Variants in SNTG2 observed in about 807,000 individuals in gnomAD.
SNTG2 encodes the protein syntrophin gamma 2.
A neutral mutation model predicts 70.9 loss-of-function variants in SNTG2; 74 were observed. The ratio of observed to expected loss-of-function variants is 1.04; its 90% confidence interval spans 0.86 to 1.27. SNTG2 has a LOEUF of 1.27. SNTG2 is among the 50% of genes most tolerant of loss of function. SNTG2 has a pLI of 0.00. For missense variants in SNTG2, 717 were observed against 690.7 expected, an observed-to-expected ratio of 1.04 and a Z score of -0.43; for synonymous variants, 278 against 273.8, an observed-to-expected ratio of 1.02 and a Z score of -0.15.
At chr2:1,303,831 T>A (rs191492038) in intron 14 of SNTG2, among the ~76,000 whole-genome samples, 119 of 152,334 alleles carry the variant, frequency 7.8e-4, no homozygotes, top group African/African-American at 2.8e-3. Flanking sequence ...ATACAATGAA[T>A]AACTCTACAC....
chr2:1,273,790 GA>G (rs1386184504), intron 14 of SNTG2, among the ~76,000 whole-genome samples: 3 of 151,402 alleles, frequency 2.0e-5, no homozygotes, highest in Admixed American at 1.3e-4. Context: ...CACAAACCAT[GA>G]AAAAAAATTG....
At chr2:1,334,121 A>C (rs769203458) in intron 16 of SNTG2, among the ~76,000 whole-genome samples, 4 of 152,220 alleles carry the variant, frequency 2.6e-5, no homozygotes, top group Non-Finnish European at 4.4e-5. Flanking sequence ...TCTCATCAAA[A>C]AGTGGGCAAA....
At chr2:1,239,812 A>C (rs765862727) in intron 11 of SNTG2, 36 bp downstream of exon 11, 9 of 1,605,678 alleles carry the variant, frequency 5.6e-6, no homozygotes, top group Non-Finnish European at 7.7e-6. Context: ...GATGTAACAC[A>C]TCAGGTAGGG....
intron 14 of SNTG2, among the ~76,000 whole-genome samples, chr2:1,286,682 G>T (rs2148215391): frequency 6.6e-6 from 1 of 152,300 alleles, no homozygotes; most frequent in East Asian, 1.9e-4. Context: ...CCCTTTCCAT[G>T]ATGGAAGAGG....
At chr2:1,052,239 G>A (rs1435225141) in intron 1 of SNTG2, among the ~76,000 whole-genome samples, 1 of 152,056 alleles carries the variant, frequency 6.6e-6, no homozygotes, top group Non-Finnish European at 1.5e-5. Context: ...GGAATTCACT[G>A]GGCCCAGAGC....
chr2:1,009,320 G>T (rs1237713060), intron 1 of SNTG2, among the ~76,000 whole-genome samples: 3 of 114,882 alleles, frequency 2.6e-5, no homozygotes, highest in African/African-American at 3.6e-5. Flanking sequence ...ACTGGTGTGG[G>T]TCGTGTGTAT....
intron 1 of SNTG2, among the ~76,000 whole-genome samples, chr2:951,296 A>G (rs1020135567): frequency 2.0e-5 from 3 of 152,330 alleles, no homozygotes; most frequent in Middle Eastern, 3.4e-3. Context: ...GGAAACTTGC[A>G]GGCTTTGCTC....
chr2:1,109,492 CAT>C (rs1362832410), intron 4 of SNTG2, among the ~76,000 whole-genome samples: 8 of 152,138 alleles, frequency 5.3e-5, no homozygotes, highest in Admixed American at 5.2e-4. Flanking sequence ...TCATAAAAAA[CAT>C]ATGAAATGGG....
At chr2:1,282,884 C>T (rs1679612397) in intron 14 of SNTG2, among the ~76,000 whole-genome samples, 1 of 152,226 alleles carries the variant, frequency 6.6e-6, no homozygotes, top group South Asian at 2.1e-4. Flanking sequence ...GCCAGATGAG[C>T]TCCCTTTGCT....
Position 1,211,828 on chromosome 2 carries a change from C to A in SNTG2, c.719+2598C>A, listed in dbSNP as rs184385986. On this transcript the variant is annotated intron_variant, in intron 9 of 16. Transcript: ENST00000308624. ...GATGAGATTTGGGCAAGAGTACAAC[C>A]AAACCATATCACTAGTAATTCTTAA... Among the ~76,000 whole-genome samples, 262 of 152,214 alleles carry A rather than the reference C, an allele frequency of 1.7e-3. 3 individuals carry two copies. The highest frequency in any genetic ancestry group is 3.1e-3 in the South Asian group (15 of 4,812).
intron 1 of SNTG2, among the ~76,000 whole-genome samples, chr2:956,358 A>G (rs893931717): frequency 6.6e-6 from 1 of 152,172 alleles, no homozygotes; most frequent in Non-Finnish European, 1.5e-5. Context: ...AGTCCGGAGC[A>G]GGGTTGTGTT....
At position 1,192,720 on chromosome 2, in the gene SNTG2, G is replaced by A. The variant is rs566647538; in HGVS notation, c.592-16383G>A. 7.2e-5 allele frequency among the ~76,000 whole-genome samples: 11 copies of A among 152,024 alleles called. No homozygotes were observed. The South Asian group carries it at 1.7e-3, about 23-fold the overall frequency. ...GGAAAACATACTAAGGTGACTTCTC[G>A]GACTCATCTGATCACACCGTCCCTC... On this transcript the variant is annotated intron_variant, in intron 8 of 16. Transcript: ENST00000308624.
chr2:1,281,233 G>GGTGTATT (rs1388463291), intron 14 of SNTG2, among the ~76,000 whole-genome samples: 2,207 of 4,274 alleles, frequency 0.52, 370 homozygotes, highest in African/African-American at 0.57. Flanking sequence ...GTGTTTATGT[G>GGTGTATT]GTGTGGTGTG....
rs762590893 is a variant in SNTG2 at position 1,247,380 on chromosome 2, A to G, written c.942A>G (p.Gln314=). The G allele has an allele frequency of 6.2e-7, 1 of 1,613,906 alleles. No individual in the cohort carries two copies. Among genetic ancestry groups the G allele is most frequent in the Non-Finnish European group, 8.5e-7 (1 of 1,179,870 alleles). Residue 314 remains glutamine, a synonymous_variant, in exon 12 of 17, where the codon CAA becomes CAG. Transcript: ENST00000308624. ...AACTCCAAGGAGCTGACTCCTCTCA[A>G]ACCTTCAGACCCAAGTTCCTAGCAC... ...NEKLQGADSS[Q]TFRPKFLALK... is the part of the protein sequence containing the mutation.
At chr2:1,320,352 G>A (rs1201872828) in intron 16 of SNTG2, among the ~76,000 whole-genome samples, 1 of 151,868 alleles carries the variant, frequency 6.6e-6, no homozygotes, top group Admixed American at 6.6e-5. Context: ...GGCTGACACA[G>A]TGAAACCATC....
chr2:1,297,859 A>G (rs961902782), intron 14 of SNTG2, among the ~76,000 whole-genome samples: 2 of 152,190 alleles, frequency 1.3e-5, no homozygotes, highest in Non-Finnish European at 1.5e-5. Flanking sequence ...AGAAGTTAAC[A>G]AGTTTGAAAA....
At chr2:1,068,134 T>A (rs957627571) in intron 1 of SNTG2, 1 of 152,134 alleles carries the variant, frequency 6.6e-6, no homozygotes, top group Non-Finnish European at 1.5e-5. Context: ...TACCTGTATC[T>A]TTTTCAAGAG....
chr2:1,363,542 T>C (rs56032600), intron 16 of SNTG2, among the ~76,000 whole-genome samples: 109,765 of 152,070 alleles, frequency 0.72, 39,918 homozygotes, highest in East Asian at 0.94. Flanking sequence ...GCAGGTGCCC[T>C]TTCCTCTGCA....
In SNTG2 at chr2:1,074,210, C is replaced by T. The variant is rs527249139; in HGVS notation, c.73-9308C>T. Among the ~76,000 whole-genome samples, 14 of 152,320 alleles carry T rather than the reference C, an allele frequency of 9.2e-5. 1 individual carries two copies. The East Asian group carries it at 1.7e-3, about 19-fold the overall frequency. The stretch of plus-strand genomic sequence containing the variant: ...AGCCCCTCTGTGCATGTGTGACCCT[C>T]GTCTGCCCGGGGGAATGCTCAGACA... On this transcript the variant is annotated intron_variant, in intron 1 of 16. Coordinates refer to ENST00000308624, the MANE Select transcript of SNTG2 (RefSeq NM_018968.4).
Sources: gnomAD v4.1 joint callset for allele counts (sites outside exome capture counted in the v4.1 genomes callset) on GRCh38, gnomAD v4.1.1 for gene constraint, MANE v1.5 for transcripts, NCBI Gene and HGNC (gene_info 2026-07-23, HGNC 2026-07-21) for gene names.